HLA-E: variants seen among roughly 807,000 people sequenced by gnomAD.
The protein encoded by HLA-E is HLA class I histocompatibility antigen, alpha chain E.
Under a neutral mutation model 43.4 loss-of-function variants are expected in HLA-E, and 25 were observed. The observed-to-expected ratio is 0.58, with a 90% CI of 0.42 to 0.80. The LOEUF (loss-of-function observed/expected upper bound fraction) is 0.80, where lower values mean the gene tolerates loss of function less well. Ranked by LOEUF, HLA-E falls within the 30% of genes least tolerant of loss-of-function variation. The probability of loss-of-function intolerance (pLI) is 0.00; values close to 1 mark genes in which losing one functional copy is unlikely to be tolerated. For missense variants in HLA-E, 343 were observed against 470.0 expected, an observed-to-expected ratio of 0.73 and a Z score of 2.50; for synonymous variants, 161 against 197.6, an observed-to-expected ratio of 0.81 and a Z score of 1.55.
Position 30,491,804 on chromosome 6 carries a change from C to CTT in HLA-E, c.1003+159_1003+160dup. ...GGGGCCCTGTGTGCCAGCACCTACT[C>CTT]TTTTTTTTTGAGACGGAGTCTTGGC... On this transcript the variant is annotated intron_variant, in intron 5 of 7. Transcript: ENST00000376630. The surrounding 1 kb of genome is among the most constrained non-coding windows in gnomAD (Gnocchi z 5.4). The CTT allele has an allele frequency of 6.3e-6, 4 of 635,156 alleles. No individual in the cohort carries two copies. The highest frequency in any genetic ancestry group is 1.1e-5 in the Non-Finnish European group (4 of 369,702). 39.3% of individuals were successfully genotyped at this position (635,156 alleles called of 1,614,324 possible). A position where few individuals can be genotyped will look rare whatever the true frequency, so the allele number is the denominator to read the frequency against.
rs1796437581 is a variant in HLA-E, at chr6:30,490,107, G to T, written c.334+112G>T. On this transcript the variant is annotated intron_variant, in intron 2 of 7. Coordinates refer to ENST00000376630, the MANE Select transcript of HLA-E (RefSeq NM_005516.6). The surrounding 1 kb of genome is among the most constrained non-coding windows in gnomAD (Gnocchi z 6.6). ...GATTCACCCCAAGGCTGCGGAACCC[G>T]CCCAGACCCTAGACCGGGGAGAGTC... The T allele has an allele frequency of 1.3e-6, 2 of 1,502,636 alleles. No homozygotes were observed. The highest frequency in any genetic ancestry group is 1.8e-6 in the Non-Finnish European group (2 of 1,106,124). 93.1% of individuals were successfully genotyped at this position (1,502,636 alleles called of 1,614,324 possible). A position where few individuals can be genotyped will look rare whatever the true frequency, so the allele number is the denominator to read the frequency against.
Position 30,491,670 on chromosome 6 carries a change from G to C in HLA-E, c.1003+17G>C, listed in dbSNP as rs781414256. ...AGAGCTCAGGTGGGGAAGGGAGAAG[G>C]GTGGGGTCTGAGTTTTCTTGTCCCA... is the stretch of plus-strand genomic sequence containing the variant. On this transcript the variant is annotated intron_variant, in intron 5 of 7. Transcript: ENST00000376630. The surrounding 1 kb of genome is among the most constrained non-coding windows in gnomAD (Gnocchi z 5.4). The C allele has an allele frequency of 1.3e-5, 20 of 1,597,936 alleles. No individual in the cohort carries two copies. The African/African-American group carries it at 2.4e-4, about 19-fold the overall frequency.
rs1796625720 is a variant in HLA-E, at chr6:30,492,575, C to CT, written c.1073dup (p.Leu358PhefsTer22). On this transcript the variant is annotated frameshift_variant, in exon 7 of 8. Transcript: ENST00000376630. LOFTEE classifies it high-confidence loss of function. This position sits in a 1 kb window ranked among gnomAD's most constrained non-coding sequence, Gnocchi z 4.5. ...GTGCCCAGGGGTCTGAGTCTCACAG[C>CT]TTGTAAAGGTGAGATTCTGGGGGTC... 1.9e-6 allele frequency: 3 copies of CT among 1,613,772 alleles called. No homozygotes were observed. The African/African-American group carries it at 4.0e-5, about 22-fold the overall frequency.
At position 30,491,055 on chromosome 6, in the gene HLA-E, T is replaced by A. The variant is rs1796499903; in HGVS notation, c.611-82T>A. The A allele has an allele frequency of 6.5e-7, 1 of 1,546,338 alleles. No homozygotes were observed. Among genetic ancestry groups the A allele is most frequent in the African/African-American group, 1.4e-5 (1 of 73,142 alleles). On this transcript the variant is annotated intron_variant, in intron 3 of 7. Transcript: ENST00000376630. This position sits in a 1 kb window ranked among gnomAD's most constrained non-coding sequence, Gnocchi z 5.4. ...TCTCCTACTATAATTGTCCTCTTCC[T>A]TCTCAGGATGGTCACATGGGTGCTG...
In HLA-E at chr6:30,491,672, TG is replaced by T. The variant is rs1796552049; in HGVS notation, c.1003+23del. 6.3e-7 allele frequency: 1 copy of T among 1,596,376 alleles called. No individual in the cohort carries two copies. The highest frequency in any genetic ancestry group is 8.6e-7 in the Non-Finnish European group (1 of 1,167,848). ...AGCTCAGGTGGGGAAGGGAGAAGGG[TG>T]GGGTCTGAGTTTTCTTGTCCCACTG... On this transcript the variant is annotated intron_variant, in intron 5 of 7. Coordinates refer to ENST00000376630, the MANE Select transcript of HLA-E (RefSeq NM_005516.6). This position sits in a 1 kb window ranked among gnomAD's most constrained non-coding sequence, Gnocchi z 5.4.
In HLA-E at chr6:30,491,511, C is replaced by A; in HGVS notation, c.887-26C>A. 6.2e-7 allele frequency: 1 copy of A among 1,610,808 alleles called. No individual in the cohort carries two copies. The highest frequency in any genetic ancestry group is 8.5e-7 in the Non-Finnish European group (1 of 1,177,802). On this transcript the variant is annotated intron_variant, in intron 4 of 7. Coordinates refer to ENST00000376630, the MANE Select transcript of HLA-E (RefSeq NM_005516.6). This position sits in a 1 kb window ranked among gnomAD's most constrained non-coding sequence, Gnocchi z 5.4. ...CAGGGCTGAGGCCTGGGGGTCAGGGCCCCTTACGTTCCCCTCTTTTCCCAG... is the reference window on the plus strand; with the variant it reads ...CAGGGCTGAGGCCTGGGGGTCAGGGACCCTTACGTTCCCCTCTTTTCCCAG...
Position 30,492,636 on chromosome 6 carries a change from C to T in HLA-E, c.*2+53C>T. ...GGAGGGTGGGGCAGAGGGGACAGGA[C>T]TGGGTTGTGGGGATTTTTTGATTCA... On this transcript the variant is annotated intron_variant, in intron 7 of 7. Transcript: ENST00000376630. This position sits in a 1 kb window ranked among gnomAD's most constrained non-coding sequence, Gnocchi z 4.5. 6.4e-7 allele frequency: 1 copy of T among 1,561,164 alleles called. No individual in the cohort carries two copies.
chr6:30,492,869 G>A lies in HLA-E; in HGVS notation c.*123G>A, dbSNP rs907623155. 14 of 566,222 alleles carry A rather than the reference G, an allele frequency of 2.5e-5. No individual in the cohort carries two copies. Among genetic ancestry groups the A allele is most frequent in the Non-Finnish European group, 3.7e-5 (12 of 321,358 alleles). 35.1% of individuals were successfully genotyped at this position (566,222 alleles called of 1,614,324 possible). ...GGGACTCTGGCTTCTCTTTTTGCAA[G>A]GGCCTCTGAATCTGTCTGTGTCCCT... On this transcript the variant is annotated 3_prime_UTR_variant, in exon 8 of 8. Transcript: ENST00000376630. This position sits in a 1 kb window ranked among gnomAD's most constrained non-coding sequence, Gnocchi z 4.5.
At position 30,489,684 on chromosome 6, in the gene HLA-E, G is replaced by A. The variant is rs763348367; in HGVS notation, c.65-42G>A. ...GGCGAAGGACTCGGGGAGCCGCGCCGGGAGGAGGGTCGGGCCGATCTCAGC... is the reference window on the plus strand; with the variant it reads ...GGCGAAGGACTCGGGGAGCCGCGCCAGGAGGAGGGTCGGGCCGATCTCAGC... On this transcript the variant is annotated intron_variant, in intron 1 of 7. Transcript: ENST00000376630. This position sits in a 1 kb window ranked among gnomAD's most constrained non-coding sequence, Gnocchi z 5.6. The A allele has an allele frequency of 7.5e-6, 12 of 1,610,176 alleles. No individual in the cohort carries two copies. The African/African-American group carries it at 1.2e-4, about 16-fold the overall frequency.
rs1330216311 is a variant in HLA-E, at chr6:30,490,250, C to T, written c.345C>T (p.Thr115=). 3.7e-6 allele frequency: 6 copies of T among 1,612,704 alleles called. No homozygotes were observed. The highest frequency in any genetic ancestry group is 5.1e-6 in the Non-Finnish European group (6 of 1,179,884). ...YYNQSEAGSH[T]LQWMHGCELG... is the part of the protein sequence containing the mutation. Reference sequence around the variant, plus strand: ...AAGGGGCGGGGCCAGGGTCTCACACCCTGCAGTGGATGCATGGCTGCGAGC... The same window carrying T: ...AAGGGGCGGGGCCAGGGTCTCACACTCTGCAGTGGATGCATGGCTGCGAGC... The change falls in exon 3 of 8, where the codon ACC becomes ACT. Residue 115 remains threonine, a synonymous_variant. Coordinates refer to ENST00000376630, the MANE Select transcript of HLA-E (RefSeq NM_005516.6). This position sits in a 1 kb window ranked among gnomAD's most constrained non-coding sequence, Gnocchi z 6.6.
Position 30,492,303 on chromosome 6 carries a change from A to AG in HLA-E, c.1004-100dup. ...GATCCTGCCCTGGGTCTGCAGTCAC[A>AG]GTTCAGGAAACTTCTCTGGGATCCA... On this transcript the variant is annotated intron_variant, in intron 5 of 7. Transcript: ENST00000376630. The surrounding 1 kb of genome is among the most constrained non-coding windows in gnomAD (Gnocchi z 4.5). 1.6e-6 allele frequency: 2 copies of AG among 1,226,712 alleles called. No individual in the cohort carries two copies. Among genetic ancestry groups the AG allele is most frequent in the Non-Finnish European group, 2.4e-6 (2 of 827,450 alleles). 76.0% of individuals were successfully genotyped at this position (1,226,712 alleles called of 1,614,324 possible).
In HLA-E at chr6:30,492,469, C is replaced by A. The variant is rs762206308; in HGVS notation, c.1036+33C>A. Reference sequence around the variant, plus strand: ...CGGGGCGGGAGCGTGGAGGAGCTCGCCCACCCTATAATTCCTCCTGCACCA... The same window carrying A: ...CGGGGCGGGAGCGTGGAGGAGCTCGACCACCCTATAATTCCTCCTGCACCA... On this transcript the variant is annotated intron_variant, in intron 6 of 7. Coordinates refer to ENST00000376630, the MANE Select transcript of HLA-E (RefSeq NM_005516.6). This position sits in a 1 kb window ranked among gnomAD's most constrained non-coding sequence, Gnocchi z 4.5. 1 of 1,613,948 alleles carries A rather than the reference C, an allele frequency of 6.2e-7. No individual in the cohort carries two copies. Among genetic ancestry groups the A allele is most frequent in the Non-Finnish European group, 8.5e-7 (1 of 1,179,838 alleles).
At position 30,491,126 on chromosome 6, in the gene HLA-E, C is replaced by T; in HGVS notation, c.611-11C>T. The T allele has an allele frequency of 6.2e-7, 1 of 1,613,268 alleles. No homozygotes were observed. Among genetic ancestry groups the T allele is most frequent in the South Asian group, 1.1e-5 (1 of 91,050 alleles). On this transcript the variant is annotated splice_polypyrimidine_tract_variant and intron_variant, in intron 3 of 7. Transcript: ENST00000376630. The surrounding 1 kb of genome is among the most constrained non-coding windows in gnomAD (Gnocchi z 5.4). ...TACAAAGTGCCTGAATTTTCTGACT[C>T]TTCCCCTCAGAGCCCCCAAAGACAC...
In HLA-E at chr6:30,490,145, A is replaced by C. The variant is rs1582374327; in HGVS notation, c.335-95A>C. 1 of 1,400,412 alleles carries C rather than the reference A, an allele frequency of 7.1e-7. No individual in the cohort carries two copies. The highest frequency in any genetic ancestry group is 9.5e-7 in the Non-Finnish European group (1 of 1,054,202). 86.7% of individuals were successfully genotyped at this position (1,400,412 alleles called of 1,614,324 possible). A position where few individuals can be genotyped will look rare whatever the true frequency, so the allele number is the denominator to read the frequency against. On this transcript the variant is annotated intron_variant, in intron 2 of 7. Coordinates refer to ENST00000376630, the MANE Select transcript of HLA-E (RefSeq NM_005516.6). This position sits in a 1 kb window ranked among gnomAD's most constrained non-coding sequence, Gnocchi z 6.6. ...ACCGGGGAGAGTCTCAGGCGCCTTT[A>C]CCCGGTTCTTTTTCAGTTTAGGCCA... is the stretch of plus-strand genomic sequence containing the variant.
chr6:30,490,022 G>T lies in HLA-E; in HGVS notation c.334+27G>T. ...TGAGTGACCCCGGCCAGGGGAGCAGGTCACGACCCCTCCCCATCCCCCACG... is the reference window on the plus strand; with the variant it reads ...TGAGTGACCCCGGCCAGGGGAGCAGTTCACGACCCCTCCCCATCCCCCACG... On this transcript the variant is annotated intron_variant, in intron 2 of 7. Transcript: ENST00000376630. The surrounding 1 kb of genome is among the most constrained non-coding windows in gnomAD (Gnocchi z 6.6). 1 of 1,587,962 alleles carries T rather than the reference G, an allele frequency of 6.3e-7. No homozygotes were observed.
rs17875368 is a variant in HLA-E at position 30,489,652 on chromosome 6, C to A, written c.64+57C>A. ...TACCGGGAGTAGAGAGGGGCCGGCC[C>A]GGCGGGGGCGAAGGACTCGGGGAGC... On this transcript the variant is annotated intron_variant, in intron 1 of 7. Transcript: ENST00000376630. This position sits in a 1 kb window ranked among gnomAD's most constrained non-coding sequence, Gnocchi z 5.6. The A allele has an allele frequency of 1.2e-6, 2 of 1,604,712 alleles. No individual in the cohort carries two copies. Among genetic ancestry groups the A allele is most frequent in the Admixed American group, 1.7e-5 (1 of 59,592 alleles).
Position 30,491,677 on chromosome 6 carries a change from T to G in HLA-E, c.1003+24T>G. The G allele has an allele frequency of 6.3e-7, 1 of 1,579,912 alleles. No homozygotes were observed. The highest frequency in any genetic ancestry group is 8.7e-7 in the Non-Finnish European group (1 of 1,154,534). On this transcript the variant is annotated intron_variant, in intron 5 of 7. Transcript: ENST00000376630. This position sits in a 1 kb window ranked among gnomAD's most constrained non-coding sequence, Gnocchi z 5.4. ...AGGTGGGGAAGGGAGAAGGGTGGGG[T>G]CTGAGTTTTCTTGTCCCACTGGGTG...
At position 30,491,607 on chromosome 6, in the gene HLA-E, C is replaced by T. The variant is rs146142563; in HGVS notation, c.957C>T (p.Val319=). 1.6e-3 allele frequency: 2,616 copies of T among 1,613,484 alleles called. 10 individuals carry two copies. Among genetic ancestry groups the T allele is most frequent in the Non-Finnish European group, 1.5e-3 (1,811 of 1,179,972 alleles). The change falls in exon 5 of 8, where the codon GTC becomes GTT. Residue 319 remains valine, a synonymous_variant. Transcript: ENST00000376630. This position sits in a 1 kb window ranked among gnomAD's most constrained non-coding sequence, Gnocchi z 5.4. The stretch of plus-strand genomic sequence containing the variant: ...GCCTGGTTCTCCTTGGATCTGTGGT[C>T]TCTGGAGCTGTGGTTGCTGCTGTGA... ...IAGLVLLGSV[V]SGAVVAAVIW...
rs753869790 is a variant in HLA-E at position 30,490,497 on chromosome 6, G to A, written c.592G>A (p.Glu198Lys). Residue 198 changes from glutamate to lysine, a missense_variant, in exon 3 of 8, where the codon GAG becomes AAG. Glu to Lys is a moderately conservative substitution (Grantham distance 56, BLOSUM62 1). Transcript: ENST00000376630. This position sits in a 1 kb window ranked among gnomAD's most constrained non-coding sequence, Gnocchi z 6.6. ...CCACAAATACCTGGAGAAGGGGAAG[G>A]AGACGCTGCTTCACCTGGGTAAGAG... ...WLHKYLEKGK[E>K]TLLHLEPPKT... is the part of the protein sequence containing the mutation. 7.4e-6 allele frequency: 12 copies of A among 1,612,704 alleles called. No homozygotes were observed. Among genetic ancestry groups the A allele is most frequent in the East Asian group, 6.7e-5 (3 of 44,884 alleles).
Sources: allele counts gnomAD v4.1 joint callset, GRCh38; gene constraint gnomAD v4.1.1; non-coding constraint Gnocchi (gnomAD v3.1); transcripts MANE v1.5; gene names NCBI Gene and HGNC (gene_info 2026-07-23, HGNC 2026-07-21).